Variants in PDE6C observed in about 807,000 individuals in gnomAD.
PDE6C encodes cone cGMP-specific 3',5'-cyclic phosphodiesterase subunit alpha'.
In PDE6C, 75 loss-of-function variants were observed where a neutral mutation model predicts 113.1. That is an observed-to-expected ratio of 0.66 (90% CI 0.55 to 0.80). PDE6C has a LOEUF of 0.80. Ranked by LOEUF, PDE6C falls within the 30% of genes least tolerant of loss-of-function variation. PDE6C has a pLI of 0.00. For missense variants in PDE6C, 912 were observed against 1,038.6 expected, an observed-to-expected ratio of 0.88 and a Z score of 1.67; for synonymous variants, 375 against 363.7, an observed-to-expected ratio of 1.03 and a Z score of -0.35.
Position 93,620,994 on chromosome 10 carries a change from A to G in PDE6C, c.723+14A>G. 1.3e-6 allele frequency: 2 copies of G among 1,599,532 alleles called. No individual in the cohort carries two copies. Among genetic ancestry groups the G allele is most frequent in the South Asian group, 2.2e-5 (2 of 90,790 alleles). On this transcript the variant is annotated intron_variant, in intron 3 of 21. Coordinates refer to ENST00000371447, the MANE Select transcript of PDE6C (RefSeq NM_006204.4). ...CGAAGAAGCCAGGTAAAAGGAAGGC[A>G]GCATTAGTCATTCCATGCTGACCTA...
chr10:93,658,602 C>T (rs1484582099), intron 16 of PDE6C, among the ~76,000 whole-genome samples: 5 of 152,124 alleles, frequency 3.3e-5, no homozygotes, highest in African/African-American at 1.2e-4. Context: ...TGAGCCACTG[C>T]ACCCGGCCTT....
intron 8 of PDE6C, among the ~76,000 whole-genome samples, chr10:93,629,593 C>T (rs2058490212): frequency 6.6e-6 from 1 of 152,160 alleles, no homozygotes; most frequent in Admixed American, 6.5e-5. Context: ...CACCAGGGAC[C>T]GGTTTTGTGG....
intron 16 of PDE6C, among the ~76,000 whole-genome samples, chr10:93,657,710 T>G (rs951221783): frequency 6.6e-6 from 1 of 150,716 alleles, no homozygotes; most frequent in Admixed American, 6.6e-5. Context: ...TAATTTTTCA[T>G]CATTGCCTAC....
rs563701427 is a variant in PDE6C at position 93,665,665 on chromosome 10, A to C, written c.*247A>C. ...TTTATTTTAAATTAAAAAATATGCAATCCTGAAACTAGTCACAAATTCTTT... is the reference window on the plus strand; with the variant it reads ...TTTATTTTAAATTAAAAAATATGCACTCCTGAAACTAGTCACAAATTCTTT... On this transcript the variant is annotated 3_prime_UTR_variant, in exon 22 of 22. Transcript: ENST00000371447. 3.4e-4 allele frequency: 172 copies of C among 505,072 alleles called. No individual in the cohort carries two copies. Among genetic ancestry groups the C allele is most frequent in the Middle Eastern group, 2.8e-3 (5 of 1,818 alleles). The allele number at this position is 505,072 out of a possible 1,614,324, so 31.3% of individuals were successfully genotyped here.
chr10:93,665,418 A>ATAT lies in PDE6C; in HGVS notation c.*4_*6dup, dbSNP rs1241634919. ...AGTCCAAAACATGTTTAATGTTGTA[A>ATAT]TATTATCTAACTGGTCTAAACTTCA... On this transcript the variant is annotated 3_prime_UTR_variant, in exon 22 of 22. Coordinates refer to ENST00000371447, the MANE Select transcript of PDE6C (RefSeq NM_006204.4). The ATAT allele has an allele frequency of 3.8e-6, 6 of 1,571,004 alleles. No individual in the cohort carries two copies. Among genetic ancestry groups the ATAT allele is most frequent in the Non-Finnish European group, 5.3e-6 (6 of 1,141,038 alleles).
At chr10:93,633,366 T>C (rs868152063) in intron 8 of PDE6C, among the ~76,000 whole-genome samples, 16 of 150,266 alleles carry the variant, frequency 1.1e-4, no homozygotes, top group Non-Finnish European at 1.6e-4. Context: ...CTCGTGAGGC[T>C]GAGGCAGGAG....
At chr10:93,614,040 T>C (rs532598209) in intron 1 of PDE6C, among the ~76,000 whole-genome samples, 1 of 152,228 alleles carries the variant, frequency 6.6e-6, no homozygotes, top group Admixed American at 6.5e-5. Flanking sequence ...TAATCACCCA[T>C]CATCCCTCCC....
In PDE6C at chr10:93,612,634, C is replaced by G. The variant is rs946925767; in HGVS notation, c.-92C>G. ...CCATTTACGGTTTCCTCAGTAATTT[C>G]CACCAGGATGAATTTCCTTCTCATC... is the stretch of plus-strand genomic sequence containing the variant. On this transcript the variant is annotated 5_prime_UTR_variant, in exon 1 of 22. Coordinates refer to ENST00000371447, the MANE Select transcript of PDE6C (RefSeq NM_006204.4). The G allele has an allele frequency of 2.1e-5, 33 of 1,569,080 alleles. No homozygotes were observed. Among genetic ancestry groups the G allele is most frequent in the Non-Finnish European group, 2.9e-5 (33 of 1,145,174 alleles).
rs139329631 is a variant in PDE6C, at chr10:93,661,166, C to G, written c.2209-893C>G. Among the ~76,000 whole-genome samples the G allele has an allele frequency of 3.2e-3, 480 of 152,288 alleles. 3 individuals carry two copies. Among genetic ancestry groups the G allele is most frequent in the African/African-American group, 0.011 (465 of 41,574 alleles). On this transcript the variant is annotated intron_variant, in intron 18 of 21. Coordinates refer to ENST00000371447, the MANE Select transcript of PDE6C (RefSeq NM_006204.4). ...AGTAAACAGCACTGGCCTAGAGAAT[C>G]AAATTCAAGCTTCCTGGCAAAATTT...
chr10:93,665,526 A>C lies in PDE6C; in HGVS notation c.*108A>C, dbSNP rs2058686151. 5 of 796,790 alleles carry C rather than the reference A, an allele frequency of 6.3e-6. No homozygotes were observed. The highest frequency in any genetic ancestry group is 1.1e-5 in the Non-Finnish European group (5 of 457,982). The allele number at this position is 796,790 out of a possible 1,614,324, so 49.4% of individuals were successfully genotyped here. ...ATCACGTAACAGGATCTTCAGAAAA[A>C]CTACCCTGTGACTATGAAGAAAATA... On this transcript the variant is annotated 3_prime_UTR_variant, in exon 22 of 22. Coordinates refer to ENST00000371447, the MANE Select transcript of PDE6C (RefSeq NM_006204.4).
intron 15 of PDE6C, among the ~76,000 whole-genome samples, chr10:93,653,875 TC>T (rs879262179): frequency 6.6e-6 from 1 of 152,194 alleles, no homozygotes; most frequent in Non-Finnish European, 1.5e-5. Context: ...ACTTTTCTTG[TC>T]CTAGAAAATG....
chr10:93,625,870 C>T (rs1213296230), intron 5 of PDE6C, among the ~76,000 whole-genome samples: 1 of 152,194 alleles, frequency 6.6e-6, no homozygotes, highest in African/African-American at 2.4e-5. Flanking sequence ...TTCTATAAAG[C>T]CAGGGCTTGG....
At position 93,620,623 on chromosome 10, in the gene PDE6C, C is replaced by G; in HGVS notation, c.481-9C>G. On this transcript the variant is annotated splice_polypyrimidine_tract_variant and intron_variant, in intron 1 of 21. Coordinates refer to ENST00000371447, the MANE Select transcript of PDE6C (RefSeq NM_006204.4). ...GCCACTTTGACAAATATGTGACTGT[C>G]TCTTTCAGAACAGCCATTTTTCTGA... The G allele has an allele frequency of 6.2e-7, 1 of 1,613,934 alleles. No homozygotes were observed. Among genetic ancestry groups the G allele is most frequent in the Non-Finnish European group, 8.5e-7 (1 of 1,179,864 alleles).
chr10:93,660,823 C>T (rs763764293), intron 18 of PDE6C, among the ~76,000 whole-genome samples: 4 of 152,056 alleles, frequency 2.6e-5, no homozygotes, highest in Non-Finnish European at 5.9e-5. Context: ...TACCTCAGTT[C>T]TGACTTTTAT....
chr10:93,642,483 T>C (rs771797037), intron 14 of PDE6C, among the ~76,000 whole-genome samples: 2 of 152,096 alleles, frequency 1.3e-5, no homozygotes, highest in Non-Finnish European at 2.9e-5. Context: ...TGATAATGGG[T>C]TTTAAGATGG....
At chr10:93,622,125 C>T in intron 4 of PDE6C, 53 bp downstream of exon 4, 1 of 1,516,524 alleles carries the variant, frequency 6.6e-7, no homozygotes, top group African/African-American at 1.4e-5. Flanking sequence ...ATATAACACA[C>T]ACCACAGGAA....
At position 93,659,119 on chromosome 10, in the gene PDE6C, G is replaced by A. The variant is rs150319906; in HGVS notation, c.2160G>A (p.Thr720=). ...KKEIIMAMMM[T]ACDLSAITKP... is the part of the protein sequence containing the mutation. ...TCTTCCTAAGGGCAATGATGATGAC[G>A]GCATGTGACTTGTCTGCTATTACCA... Residue 720 remains threonine, a synonymous_variant, in exon 18 of 22, where the codon ACG becomes ACA. Transcript: ENST00000371447. 8.3e-5 allele frequency: 133 copies of A among 1,610,724 alleles called. 1 individual carries two copies. In the African/African-American group the frequency reaches 1.3e-3, roughly 16 times the overall value.
Position 93,637,505 on chromosome 10 carries a change from G to A in PDE6C, c.1482+442G>A, listed in dbSNP as rs147956070. 3.1e-3 allele frequency among the ~76,000 whole-genome samples: 469 copies of A among 152,240 alleles called. 3 individuals are homozygous for A. The highest frequency in any genetic ancestry group is 0.01 in the African/African-American group (429 of 41,532). Reference sequence around the variant, plus strand: ...GCTCCATTCTTTCGTGTTGTTGCCAGTAGGCCATCCCTATTATTTTTCTTT... The same window carrying A: ...GCTCCATTCTTTCGTGTTGTTGCCAATAGGCCATCCCTATTATTTTTCTTT... On this transcript the variant is annotated intron_variant, in intron 11 of 21. Transcript: ENST00000371447.
intron 18 of PDE6C, among the ~76,000 whole-genome samples, chr10:93,659,845 G>C (rs2058658072): frequency 6.6e-6 from 1 of 152,172 alleles, no homozygotes; most frequent in Non-Finnish European, 1.5e-5. Context: ...TGCATCGTTA[G>C]TGTTTTCCTC....
Sources: allele counts gnomAD v4.1 joint callset (sites outside exome capture counted in the v4.1 genomes callset), GRCh38; gene constraint gnomAD v4.1.1; transcripts MANE v1.5; gene names NCBI Gene and HGNC (gene_info 2026-07-23, HGNC 2026-07-21).